The following PDE6B variants were observed in gnomAD, a reference collection of about 807,000 sequenced individuals.
The protein encoded by PDE6B is phosphodiesterase 6B, also known as rod cGMP-specific 3',5'-cyclic phosphodiesterase subunit beta.
A neutral mutation model predicts 109.0 loss-of-function variants in PDE6B; 106 were observed. The ratio of observed to expected loss-of-function variants is 0.97; its 90% CI spans 0.83 to 1.14. The LOEUF is 1.14. Ranked by LOEUF, PDE6B falls within the 50% of genes most tolerant of loss-of-function variation. The pLI is 0.00. For missense variants in PDE6B, 1,193 were observed against 1,155.6 expected (o/e 1.03, Z -0.47); for synonymous variants, 490 against 471.3 (o/e 1.04, Z -0.51).
rs781570484 is a variant in PDE6B at position 657,342 on chromosome 4, C to T, written c.1258-9C>T. On this transcript the variant is annotated splice_polypyrimidine_tract_variant and intron_variant, in intron 9 of 21. Coordinates refer to ENST00000496514, the MANE Select transcript of PDE6B (RefSeq NM_000283.4). The stretch of plus-strand genomic sequence containing the variant: ...CGCTGAGCGCCAGTGACACTGCCAT[C>T]CCCTCCAGTCCCTGACACAGTTCCT... The T allele has an allele frequency of 1.2e-5, 20 of 1,612,632 alleles. No homozygotes were observed. The East Asian group carries it at 3.6e-4, about 29-fold the overall frequency.
rs907842169 is a variant in PDE6B at position 670,533 on chromosome 4, C to T, written c.*426C>T. ...CTGGGATTACAGGCATGAGCCACCA[C>T]GCCCAGCCTGTTTTTATAAACTGAA... On this transcript the variant is annotated 3_prime_UTR_variant, in exon 22 of 22. Coordinates refer to ENST00000496514, the MANE Select transcript of PDE6B (RefSeq NM_000283.4). The T allele has an allele frequency of 1.9e-5, 4 of 212,952 alleles. No individual in the cohort carries two copies. Among genetic ancestry groups the T allele is most frequent in the South Asian group, 6.2e-5 (1 of 16,050 alleles). 13.2% of individuals were successfully genotyped at this position (212,952 alleles called of 1,614,324 possible). A position where few individuals can be genotyped will look rare whatever the true frequency, so the allele number is the denominator to read the frequency against.
intron 1 of PDE6B, among the ~76,000 whole-genome samples, chr4:628,590 C>T (rs1053345170): frequency 1.3e-5 from 2 of 152,236 alleles, no homozygotes; most frequent in Admixed American, 6.5e-5. Flanking sequence ...AGGCAGGCCC[C>T]GGGTAACCCG....
At chr4:645,359 G>A (rs971209304) in intron 3 of PDE6B, among the ~76,000 whole-genome samples, 14 of 146,812 alleles carry the variant, frequency 9.5e-5, no homozygotes, top group African/African-American at 3.3e-4. Flanking sequence ...GCAGTGGCGC[G>A]ATCTCGGCTC....
At position 663,994 on chromosome 4, in the gene PDE6B, C is replaced by A; in HGVS notation, c.2022-120C>A. On this transcript the variant is annotated intron_variant, in intron 16 of 21. Transcript: ENST00000496514. This position sits in a 1 kb window ranked among gnomAD's most constrained non-coding sequence, Gnocchi z 4.0. ...CAGCCCCGGATTCCGTCCCTGCCCG[C>A]CGGCCCCGCGCACCCCGGATGGGGC... is the stretch of plus-strand genomic sequence containing the variant. The A allele has an allele frequency of 9.0e-7, 1 of 1,115,376 alleles. No homozygotes were observed. Among genetic ancestry groups the A allele is most frequent in the South Asian group, 1.3e-5 (1 of 79,824 alleles). The allele number at this position is 1,115,376 out of a possible 1,614,324, so 69.1% of individuals were successfully genotyped here. A position where few individuals can be genotyped will look rare whatever the true frequency, so the allele number is the denominator to read the frequency against.
chr4:667,564 C>G (rs1385452325), intron 20 of PDE6B, among the ~76,000 whole-genome samples: 1 of 152,206 alleles, frequency 6.6e-6, no homozygotes, highest in African/African-American at 2.4e-5. Context: ...ACCCCTCTGC[C>G]TGGCACCCTG....
At chr4:632,196 C>T (rs1250612325) in intron 1 of PDE6B, among the ~76,000 whole-genome samples, 4 of 152,014 alleles carry the variant, frequency 2.6e-5, no homozygotes, top group Non-Finnish European at 5.9e-5. Flanking sequence ...GTGGCACCAT[C>T]TGAGTGTCAC....
chr4:631,118 C>A (rs1734362986), intron 1 of PDE6B, among the ~76,000 whole-genome samples: 1 of 152,184 alleles, frequency 6.6e-6, no homozygotes, highest in Admixed American at 6.6e-5. Context: ...GCTTAAATCC[C>A]AGGATGGGGA....
intron 3 of PDE6B, among the ~76,000 whole-genome samples, chr4:645,959 C>CGTATATACTTATCCA (rs1316069797): frequency 6.6e-6 from 1 of 152,044 alleles, no homozygotes; most frequent in African/African-American, 2.4e-5. Flanking sequence ...TACTTATCCA[C>CGTATATACTTATCCA]GTGCTATAAT....
In PDE6B at chr4:665,304, G is replaced by A. The variant is rs749866009; in HGVS notation, c.2243G>A (p.Arg748Lys). Residue 748 changes from arginine (R) to lysine (K), a missense_variant, in exon 19 of 22, where the codon AGG becomes AAG. Physicochemically the swap from Arg to Lys is conservative, Grantham distance 26. Transcript: ENST00000496514. The surrounding 1 kb of genome is among the most constrained non-coding windows in gnomAD (Gnocchi z 4.0). ...AEFWEQGDLE[R>K]TVLDQQPIPM... Reference sequence around the variant, plus strand: ...TTCTGGGAGCAAGGTGACTTGGAAAGGACAGTCTTGGATCAGCAGCCCATT... The same window carrying A: ...TTCTGGGAGCAAGGTGACTTGGAAAAGACAGTCTTGGATCAGCAGCCCATT... 1 of 1,612,502 alleles carries A rather than the reference G, an allele frequency of 6.2e-7. No individual in the cohort carries two copies. Among genetic ancestry groups the A allele is most frequent in the Admixed American group, 1.7e-5 (1 of 60,030 alleles).
rs373587270 is a variant in PDE6B, at chr4:663,068, C to G, written c.1833-32C>G. On this transcript the variant is annotated intron_variant, in intron 14 of 21. Transcript: ENST00000496514. This position sits in a 1 kb window ranked among gnomAD's most constrained non-coding sequence, Gnocchi z 4.0. ...CGCAGGGTGGGCCAAGGGCAGGTCC[C>G]ACGGGCCTCACCTCCACCACCTGTG... The G allele has an allele frequency of 7.6e-7, 1 of 1,309,924 alleles. No homozygotes were observed. The highest frequency in any genetic ancestry group is 1.4e-5 in the African/African-American group (1 of 69,072). The allele number at this position is 1,309,924 out of a possible 1,614,324, so 81.1% of individuals were successfully genotyped here.
rs142597807 is a variant in PDE6B, at chr4:654,100, T to C, written c.873T>C (p.Ser291=). The C allele has an allele frequency of 1.4e-3, 2,328 of 1,613,880 alleles. 29 individuals are homozygous for C. In the African/African-American group the frequency reaches 0.028, roughly 19 times the overall value. The stretch of plus-strand genomic sequence containing the variant: ...CCCAGGAATTTTTTGACGTGTGGTC[T>C]GTGCTGATGGGAGAGTCCCAGCCGT... ...TKEKEFFDVW[S]VLMGESQPYS... The change falls in exon 5 of 22, where the codon TCT becomes TCC. Residue 291 remains serine, a synonymous_variant. Coordinates refer to ENST00000496514, the MANE Select transcript of PDE6B (RefSeq NM_000283.4).
In PDE6B at chr4:636,081, G is replaced by T. The variant is rs936162538; in HGVS notation, c.711+112G>T. On this transcript the variant is annotated intron_variant, in intron 3 of 21. Coordinates refer to ENST00000496514, the MANE Select transcript of PDE6B (RefSeq NM_000283.4). The surrounding 1 kb of genome is among the most constrained non-coding windows in gnomAD (Gnocchi z 4.5). ...GGTGGTCTTGTGCTCACCTGGGTAG[G>T]TCCTGGGGTGGGCATTGCTCAGGGG... is the stretch of plus-strand genomic sequence containing the variant. 1 of 725,556 alleles carries T rather than the reference G, an allele frequency of 1.4e-6. No homozygotes were observed. The highest frequency in any genetic ancestry group is 2.5e-5 in the East Asian group (1 of 39,384). The allele number at this position is 725,556 out of a possible 1,614,324, so 44.9% of individuals were successfully genotyped here.
intron 20 of PDE6B, 98 bp from the exon 21 acceptor site, chr4:667,758 G>C: frequency 7.5e-7 from 1 of 1,337,062 alleles, no homozygotes; most frequent in Non-Finnish European, 1.1e-6. Context: ...CTGCCAGGCA[G>C]TTCATCCCCT....
rs1737286096 is a variant in PDE6B, at chr4:662,949, G to A, written c.1833-151G>A. ...GCCCAGGAGGTCAAGGCTGTATTGA[G>A]CCATGATTGCACCACTGCACTCCAG... On this transcript the variant is annotated intron_variant, in intron 14 of 21. Transcript: ENST00000496514. The surrounding 1 kb of genome is among the most constrained non-coding windows in gnomAD (Gnocchi z 4.3). The A allele has an allele frequency of 1.5e-6, 1 of 682,278 alleles. No homozygotes were observed. The highest frequency in any genetic ancestry group is 2.7e-6 in the Non-Finnish European group (1 of 372,726). 42.3% of individuals were successfully genotyped at this position (682,278 alleles called of 1,614,324 possible). A position where few individuals can be genotyped will look rare whatever the true frequency, so the allele number is the denominator to read the frequency against.
intron 9 of PDE6B, 139 bp from the exon 10 acceptor site, chr4:657,212 A>G: frequency 8.6e-7 from 1 of 1,160,336 alleles, no homozygotes; most frequent in Non-Finnish European, 1.3e-6. Context: ...AGCACCCGGG[A>G]GACCCCACAC....
At chr4:667,737 GCTCC>G in intron 20 of PDE6B, 115 bp from the exon 21 acceptor site, 1 of 1,087,964 alleles carries the variant, frequency 9.2e-7, no homozygotes, top group South Asian at 1.2e-5. Context: ...CCTCCGTGGC[GCTCC>G]CTCCTCCTGC....
At position 636,465 on chromosome 4, in the gene PDE6B, A is replaced by G. The variant is rs1258919897; in HGVS notation, c.711+496A>G. On this transcript the variant is annotated intron_variant, in intron 3 of 21. Coordinates refer to ENST00000496514, the MANE Select transcript of PDE6B (RefSeq NM_000283.4). The surrounding 1 kb of genome is among the most constrained non-coding windows in gnomAD (Gnocchi z 4.5). Reference sequence around the variant, plus strand: ...GGAGGCCTGAGGACCTTAAGGAGTCAGGTGTGCCGAGGTGCGTGGGAAAAC... The same window carrying G: ...GGAGGCCTGAGGACCTTAAGGAGTCGGGTGTGCCGAGGTGCGTGGGAAAAC... Among the ~76,000 whole-genome samples, 2 of 152,064 alleles carry G rather than the reference A, an allele frequency of 1.3e-5. No homozygotes were observed. Among genetic ancestry groups the G allele is most frequent in the African/African-American group, 4.8e-5 (2 of 41,510 alleles).
intron 21 of PDE6B, among the ~76,000 whole-genome samples, chr4:669,347 C>T (rs1269166969): frequency 7.2e-6 from 1 of 139,570 alleles, no homozygotes; most frequent in Non-Finnish European, 1.5e-5. Flanking sequence ...ATTCCCCTAC[C>T]CCATGCTATT....
In PDE6B at chr4:648,977, G is replaced by A. The variant is rs1381592896; in HGVS notation, c.712-4875G>A. 3.3e-5 allele frequency among the ~76,000 whole-genome samples: 5 copies of A among 152,338 alleles called. No individual in the cohort carries two copies. The highest frequency in any genetic ancestry group is 1.9e-4 in the East Asian group (1 of 5,178). ...GCAGAGCCATTCAGAAGTGAGAGGC[G>A]GCCAGGAGGGGCGGGCGTGGTCTGT... On this transcript the variant is annotated intron_variant, in intron 3 of 21. Coordinates refer to ENST00000496514, the MANE Select transcript of PDE6B (RefSeq NM_000283.4). This position sits in a 1 kb window ranked among gnomAD's most constrained non-coding sequence, Gnocchi z 4.5.
Sources: allele counts gnomAD v4.1 joint callset (sites outside exome capture counted in the v4.1 genomes callset), GRCh38; gene constraint gnomAD v4.1.1; non-coding constraint Gnocchi (gnomAD v3.1); transcripts MANE v1.5; gene names NCBI Gene and HGNC (gene_info 2026-07-23, HGNC 2026-07-21).